Variants in NLK observed in about 807,000 individuals in gnomAD.
NLK encodes the protein nemo like kinase.
NLK carries 11 observed loss-of-function variants against 59.0 expected under a neutral mutation model. The observed-to-expected ratio is 0.19, with a 90% CI of 0.12 to 0.31. The LOEUF (loss-of-function observed/expected upper bound fraction) is 0.31, where lower values mean the gene tolerates loss of function less well. Ranked by LOEUF, NLK falls within the 10% of genes least tolerant of loss-of-function variation. The probability of loss-of-function intolerance (pLI) is 1.00; values close to 1 mark genes in which losing one functional copy is unlikely to be tolerated. For missense variants in NLK, 410 were observed against 661.1 expected (o/e 0.62, Z 4.16); for synonymous variants, 235 against 235.9 (o/e 1.00, Z 0.03).
Position 28,196,294 on chromosome 17 carries a change from T to C in NLK, c.*1658T>C, listed in dbSNP as rs988541065. On this transcript the variant is annotated 3_prime_UTR_variant, in exon 11 of 11. Transcript: ENST00000407008. Reference sequence around the variant, plus strand: ...TGAAAGGTACAATCTCAGAGGTTGGTCAATTACCGTGGCACACTTTCTGGT... The same window carrying C: ...TGAAAGGTACAATCTCAGAGGTTGGCCAATTACCGTGGCACACTTTCTGGT... 2 of 152,610 alleles carry C rather than the reference T, an allele frequency of 1.3e-5. No homozygotes were observed. Among genetic ancestry groups the C allele is most frequent in the African/African-American group, 2.4e-5 (1 of 41,448 alleles). 9.5% of individuals were successfully genotyped at this position (152,610 alleles called of 1,614,324 possible).
At chr17:28,198,084 G>T (rs999186307), downstream of NLK, among the ~76,000 whole-genome samples, 1 of 152,124 alleles carries the variant, frequency 6.6e-6, no homozygotes, top group African/African-American at 2.4e-5. Context: ...TTAAACTGGG[G>T]TACAGACACC....
chr17:28,177,941 C>T (rs1383825033), intron 7 of NLK, among the ~76,000 whole-genome samples: 1 of 152,110 alleles, frequency 6.6e-6, no homozygotes, highest in Non-Finnish European at 1.5e-5. Flanking sequence ...CCAGAAATCA[C>T]ATCGATATTC....
chr17:28,054,913 G>A (rs902206542), intron 1 of NLK, among the ~76,000 whole-genome samples: 4 of 152,152 alleles, frequency 2.6e-5, no homozygotes, highest in Non-Finnish European at 5.9e-5. Flanking sequence ...TTAGCTGGGT[G>A]TAGTGGCACA....
At chr17:28,070,228 T>G (rs1909961742) in intron 1 of NLK, among the ~76,000 whole-genome samples, 1 of 151,818 alleles carries the variant, frequency 6.6e-6, no homozygotes, top group Non-Finnish European at 1.5e-5. Flanking sequence ...AGAGCAAGAC[T>G]GTGTCTCAAA....
intron 1 of NLK, among the ~76,000 whole-genome samples, chr17:28,058,330 A>G (rs1909511565): frequency 6.6e-6 from 1 of 152,172 alleles, no homozygotes; most frequent in Non-Finnish European, 1.5e-5. Context: ...ATCAACATCT[A>G]TCAGCTTGTC....
downstream of NLK, among the ~76,000 whole-genome samples, chr17:28,200,738 C>T (rs1463656349): frequency 5.3e-5 from 8 of 152,228 alleles, no homozygotes; most frequent in African/African-American, 1.7e-4. Flanking sequence ...CCCGCCTTGG[C>T]CTCCCAAATT....
chr17:28,113,005 G>C (rs1437990801), intron 1 of NLK, among the ~76,000 whole-genome samples: 2 of 152,144 alleles, frequency 1.3e-5, no homozygotes, highest in Non-Finnish European at 2.9e-5. Context: ...GGCTGGTATA[G>C]ATGTATATCT....
At chr17:28,191,929 T>C (rs1460508475) in intron 9 of NLK, among the ~76,000 whole-genome samples, 191 bp from the exon 10 acceptor site, 1 of 152,240 alleles carries the variant, frequency 6.6e-6, no homozygotes, top group Non-Finnish European at 1.5e-5. Flanking sequence ...GTAGGTTTCT[T>C]ATATTTAGCA....
chr17:28,185,275 G>T lies in NLK; in HGVS notation c.1236+10G>T. 6.8e-7 allele frequency: 1 copy of T among 1,477,376 alleles called. No homozygotes were observed. The highest frequency in any genetic ancestry group is 1.3e-5 in the South Asian group (1 of 77,344). 91.5% of individuals were successfully genotyped at this position (1,477,376 alleles called of 1,614,324 possible). On this transcript the variant is annotated intron_variant, in intron 8 of 10. Coordinates refer to ENST00000407008, the MANE Select transcript of NLK (RefSeq NM_016231.5). ...GTTGGTCTTTGATCCAGTAAGTAGTGTTTTTTTTTATATATTTTTAATGAA... is the reference window on the plus strand; with the variant it reads ...GTTGGTCTTTGATCCAGTAAGTAGTTTTTTTTTTTATATATTTTTAATGAA...
At chr17:28,196,715 C>T (rs541750089), downstream of NLK, among the ~76,000 whole-genome samples, 57 of 152,138 alleles carry the variant, frequency 3.7e-4, no homozygotes, top group Non-Finnish European at 6.8e-4. Flanking sequence ...AAGTAGATTG[C>T]TCTGTATGAA....
chr17:28,135,346 T>C (rs1597701906), intron 3 of NLK, among the ~76,000 whole-genome samples: 1 of 152,220 alleles, frequency 6.6e-6, no homozygotes, highest in Non-Finnish European at 1.5e-5. Flanking sequence ...CACATAGGCA[T>C]GGAGCACCCA....
intron 7 of NLK, among the ~76,000 whole-genome samples, chr17:28,177,112 C>G (rs1314120033): frequency 2.6e-5 from 4 of 152,066 alleles, no homozygotes; most frequent in Non-Finnish European, 5.9e-5. Flanking sequence ...TCCTCATTGT[C>G]TTCATATTGA....
intron 1 of NLK, among the ~76,000 whole-genome samples, chr17:28,070,424 G>A (rs1217978158): frequency 2.8e-5 from 4 of 143,450 alleles, no homozygotes; most frequent in Admixed American, 7.2e-5. Context: ...GTGCGATCTC[G>A]GCTCACTGCA....
At chr17:28,130,909 A>G (rs1336264667) in intron 2 of NLK, among the ~76,000 whole-genome samples, 2 of 152,152 alleles carry the variant, frequency 1.3e-5, no homozygotes, top group East Asian at 3.8e-4. Context: ...GAAATAATGC[A>G]TCTGTCATAT....
chr17:28,140,016 T>A lies in NLK; in HGVS notation c.644+7341T>A, dbSNP rs112784386. 6.6e-3 allele frequency among the ~76,000 whole-genome samples: 999 copies of A among 152,210 alleles called. 18 individuals carry two copies. The highest frequency in any genetic ancestry group is 0.022 in the African/African-American group (933 of 41,532). On this transcript the variant is annotated intron_variant, in intron 3 of 10. Transcript: ENST00000407008. Reference sequence around the variant, plus strand: ...ACTGTGTGGAGAAAAGACATTTCAGTTGAGCATTGATGGATGAGAAGGATT... The same window carrying A: ...ACTGTGTGGAGAAAAGACATTTCAGATGAGCATTGATGGATGAGAAGGATT...
At chr17:28,205,114 C>G in the NLK span, among the ~76,000 whole-genome samples, 1 of 152,154 alleles carries the variant, frequency 6.6e-6, no homozygotes, top group Non-Finnish European at 1.5e-5. Flanking sequence ...AGAAAACAAG[C>G]TAAGATAAGG....
At chr17:28,140,504 G>A (rs1489685255) in intron 3 of NLK, among the ~76,000 whole-genome samples, 1 of 152,106 alleles carries the variant, frequency 6.6e-6, no homozygotes, top group Non-Finnish European at 1.5e-5. Context: ...AGTGACTGTC[G>A]TGAAAGAAGA....
the NLK span, among the ~76,000 whole-genome samples, chr17:28,204,327 T>C: frequency 0.011 from 1,670 of 152,262 alleles, 11 homozygotes; most frequent in Non-Finnish European, 0.016. Context: ...GGCTTATGTG[T>C]TGTGGACAGG....
chr17:28,194,505 GA>G, intron 10 of NLK, 76 bp from the exon 11 acceptor site: 1 of 1,024,840 alleles, frequency 9.8e-7, no homozygotes, highest in Non-Finnish European at 1.5e-6. Flanking sequence ...AGGAAGAGAG[GA>G]AAACAGGAAG....
Sources: allele counts gnomAD v4.1 joint callset (sites outside exome capture counted in the v4.1 genomes callset), GRCh38; gene constraint gnomAD v4.1.1; transcripts MANE v1.5; gene names NCBI Gene and HGNC (gene_info 2026-07-23, HGNC 2026-07-21).